SORCS2: variants seen among roughly 807,000 people sequenced by gnomAD.
SORCS2 encodes sortilin related VPS10 domain containing receptor 2.
In SORCS2, 100 loss-of-function variants were observed where a neutral mutation model predicts 141.6. The ratio of observed to expected loss-of-function variants is 0.71; its 90% CI spans 0.60 to 0.83. The LOEUF (loss-of-function observed/expected upper bound fraction) is 0.83. SORCS2 is among the 40% of genes least tolerant of loss of function. SORCS2 has a pLI of 0.00. For synonymous variants in SORCS2, 789 were observed against 676.9 expected (o/e 1.17, Z -2.57); for missense variants, 1,646 against 1,560.2 (o/e 1.05, Z -0.93).
rs923397823 is a variant in SORCS2, at chr4:7,537,772, A to C, written c.648+6143A>C. On this transcript the variant is annotated intron_variant, in intron 3 of 26. Coordinates refer to ENST00000507866, the MANE Select transcript of SORCS2 (RefSeq NM_020777.3). ...CCTGTGATCCCAGCACTTTGGGAGC[A>C]GAGGCTGGAGCATCGCTTGAGCCCA... Among the ~76,000 whole-genome samples the C allele has an allele frequency of 3.3e-5, 5 of 152,212 alleles. No homozygotes were observed. The East Asian group carries it at 5.8e-4, about 18-fold the overall frequency.
At chr4:7,316,799 C>A (rs1036335084) in intron 1 of SORCS2, among the ~76,000 whole-genome samples, 31 of 152,272 alleles carry the variant, frequency 2.0e-4, no homozygotes, top group African/African-American at 7.2e-4. Flanking sequence ...CACACTCCCC[C>A]GTGGAGGAAT....
chr4:7,689,335 T>C (rs2108983505), intron 10 of SORCS2, 151 bp from the exon 11 acceptor site: 1 of 671,118 alleles, frequency 1.5e-6, no homozygotes, highest in African/African-American at 1.8e-5. Context: ...GCCTCACACC[T>C]GCTTCCCATC....
chr4:7,652,787 G>A (rs1390543159), intron 4 of SORCS2, among the ~76,000 whole-genome samples: 3 of 152,074 alleles, frequency 2.0e-5, no homozygotes, highest in Non-Finnish European at 4.4e-5. Flanking sequence ...GTCTGACCAC[G>A]GACCCCCTGA....
At chr4:7,438,761 C>T (rs1470745704) in intron 2 of SORCS2, among the ~76,000 whole-genome samples, 1 of 152,056 alleles carries the variant, frequency 6.6e-6, no homozygotes, top group African/African-American at 2.4e-5. Context: ...ATCCAACACA[C>T]CTGTCCCACT....
intron 19 of SORCS2, among the ~76,000 whole-genome samples, chr4:7,724,518 GGTGATAGGGTGGTGGTGATGGTGATA>G (rs1726938726): frequency 6.7e-6 from 1 of 150,100 alleles, no homozygotes. Flanking sequence ...TGGTGATGGT[GGTGATAGGGTGGTGGTGATGGTGATA>G]GTAGTGGTGG....
chr4:7,728,838 GAGA>G (rs963503890), intron 22 of SORCS2, among the ~76,000 whole-genome samples: 3 of 152,196 alleles, frequency 2.0e-5, no homozygotes, highest in African/African-American at 7.2e-5. Flanking sequence ...ACAAGACAGA[GAGA>G]AGAACCCAGT....
At chr4:7,558,475 C>T (rs538711725) in intron 3 of SORCS2, among the ~76,000 whole-genome samples, 1 of 152,300 alleles carries the variant, frequency 6.6e-6, no homozygotes, top group African/African-American at 2.4e-5. Flanking sequence ...CTGCCCCAGG[C>T]AATTGGGGCC....
At chr4:7,496,025 G>T (rs956782252) in intron 2 of SORCS2, among the ~76,000 whole-genome samples, 1 of 152,214 alleles carries the variant, frequency 6.6e-6, no homozygotes, top group Non-Finnish European at 1.5e-5. Flanking sequence ...GTCACAGAAG[G>T]ACTTGGAAGG....
At position 7,718,047 on chromosome 4, in the gene SORCS2, G is replaced by A; in HGVS notation, c.2288G>A (p.Gly763Glu). The A allele has an allele frequency of 2.5e-6, 4 of 1,608,604 alleles. No homozygotes were observed. Among genetic ancestry groups the A allele is most frequent in the Non-Finnish European group, 3.4e-6 (4 of 1,177,544 alleles). The change falls in exon 18 of 27, where the codon GGG becomes GAG. Residue 763 changes from glycine (G) to glutamate (E), a missense_variant. Gly to Glu is a moderately conservative substitution (Grantham distance 98). Transcript: ENST00000507866. ...RKVVSNVCEG[G>E]VDMQQSQVQL... ...GTGGTGTCCAACGTGTGTGAGGGTGGGGTGGACATGCAGCAGAGTCAGGTG... is the reference window on the plus strand; with the variant it reads ...GTGGTGTCCAACGTGTGTGAGGGTGAGGTGGACATGCAGCAGAGTCAGGTG...
At chr4:7,293,283 G>A (rs573208267) in intron 1 of SORCS2, among the ~76,000 whole-genome samples, 3 of 150,348 alleles carry the variant, frequency 2.0e-5, no homozygotes, top group East Asian at 2.0e-4. Context: ...TAGCCTGGGC[G>A]AAAGAGCAAG....
intron 7 of SORCS2, among the ~76,000 whole-genome samples, chr4:7,666,661 C>T (rs1340442564): frequency 6.6e-6 from 1 of 152,180 alleles, no homozygotes; most frequent in African/African-American, 2.4e-5. Context: ...GCCTTTCTGT[C>T]TCTGGGAACA....
At chr4:7,381,438 C>T (rs1722990221) in intron 1 of SORCS2, among the ~76,000 whole-genome samples, 1 of 152,224 alleles carries the variant, frequency 6.6e-6, no homozygotes, top group African/African-American at 2.4e-5. Flanking sequence ...AAGCTGACAT[C>T]AGAGGCTGCC....
chr4:7,723,007 G>A (rs1045554280), intron 18 of SORCS2, among the ~76,000 whole-genome samples: 6 of 152,024 alleles, frequency 3.9e-5, no homozygotes, highest in Admixed American at 6.5e-5. Context: ...GCCATAAATC[G>A]AAGAAGTTCC....
At chr4:7,500,073 C>A (rs1332144530) in intron 2 of SORCS2, among the ~76,000 whole-genome samples, 1 of 152,204 alleles carries the variant, frequency 6.6e-6, no homozygotes, top group Non-Finnish European at 1.5e-5. Context: ...CAAGCTCTGA[C>A]CTCACGGGCT....
At position 7,401,386 on chromosome 4, in the gene SORCS2, G is replaced by A. The variant is rs141954753; in HGVS notation, c.548+5031G>A. 3.2e-3 allele frequency among the ~76,000 whole-genome samples: 482 copies of A among 152,314 alleles called. 1 individual carries two copies. Among genetic ancestry groups the A allele is most frequent in the Non-Finnish European group, 4.1e-3 (280 of 68,030 alleles). Reference sequence around the variant, plus strand: ...AGATGGATGGGTGGATGGAAGAAAGGATGGATGGTGATGTGGTTTTTGGGA... The same window carrying A: ...AGATGGATGGGTGGATGGAAGAAAGAATGGATGGTGATGTGGTTTTTGGGA... On this transcript the variant is annotated intron_variant, in intron 2 of 26. Transcript: ENST00000507866.
chr4:7,475,426 G>A (rs1225180052), intron 2 of SORCS2, among the ~76,000 whole-genome samples: 1 of 152,132 alleles, frequency 6.6e-6, no homozygotes, highest in African/African-American at 2.4e-5. Context: ...CCTGCATGTG[G>A]TAGGCTCGGC....
At chr4:7,566,007 ATAATGATGGTGATGATGG>A (rs1174213378) in intron 3 of SORCS2, among the ~76,000 whole-genome samples, 1 of 2,724 alleles carries the variant, frequency 3.7e-4, no homozygotes. Context: ...GATGATGGTG[ATAATGATGGTGATGATGG>A]TGATAATGAT....
At chr4:7,215,550 C>A (rs1728293564) in intron 1 of SORCS2, among the ~76,000 whole-genome samples, 1 of 152,392 alleles carries the variant, frequency 6.6e-6, no homozygotes, top group South Asian at 2.1e-4. Flanking sequence ...GCTCCACCTG[C>A]AGCCCCGGTG....
chr4:7,734,571 C>T (rs970586252), intron 25 of SORCS2, among the ~76,000 whole-genome samples, 197 bp downstream of exon 25: 10 of 152,034 alleles, frequency 6.6e-5, no homozygotes, highest in African/African-American at 1.4e-4. Flanking sequence ...CTGGAAGAGA[C>T]GGCCGCCACT....
Sources: gnomAD v4.1 joint callset for allele counts (sites outside exome capture counted in the v4.1 genomes callset) on GRCh38, gnomAD v4.1.1 for gene constraint, MANE v1.5 for transcripts, NCBI Gene and HGNC (gene_info 2026-07-23, HGNC 2026-07-21) for gene names.